The following KSR2 variants were observed in gnomAD, a reference collection of about 807,000 sequenced individuals.
KSR2 encodes the protein kinase suppressor of ras 2.
Under a neutral mutation model 107.8 loss-of-function variants are expected in KSR2, and 25 were observed. That is an observed-to-expected ratio of 0.23 (90% CI 0.17 to 0.32). The LOEUF (loss-of-function observed/expected upper bound fraction) is 0.32. Among genes scored for constraint, KSR2 ranks in the 10% least tolerant of loss-of-function variants. The pLI, the probability that KSR2 is intolerant of heterozygous loss-of-function variation, is 1.00. For missense variants in KSR2, 887 were observed against 1,268.9 expected (o/e 0.70, Z 4.57); for synonymous variants, 480 against 507.0 (o/e 0.95, Z 0.71).
At position 117,761,460 on chromosome 12, in the gene KSR2, GTT is replaced by G. The variant is rs1889017926; in HGVS notation, c.535_536del (p.Asn179GlnfsTer206). On this transcript the variant is annotated frameshift_variant, in exon 4 of 20. Transcript: ENST00000339824. LOFTEE classifies it high-confidence loss of function. ...QWPTTETGKENNPVCPPEPTP... is the reference protein window; with the variant it reads ...QWPTTETGKEXNPVCPPEPTP... ...TGGGCTCCGGGGGGCACACGGGATT[GTT>G]CTCCTTCCCCGTCTCTGTCGTGGGC... 6.2e-7 allele frequency: 1 copy of G among 1,613,078 alleles called. No individual in the cohort carries two copies. The highest frequency in any genetic ancestry group is 8.5e-7 in the Non-Finnish European group (1 of 1,179,680).
chr12:117,772,285 TCACA>T (rs1889508745), intron 3 of KSR2, among the ~76,000 whole-genome samples: 2 of 24,452 alleles, frequency 8.2e-5, no homozygotes, highest in African/African-American at 1.8e-4. Flanking sequence ...GCACACACAC[TCACA>T]CATACACACC....
At chr12:117,921,424 C>CT (rs142150187) in intron 1 of KSR2, among the ~76,000 whole-genome samples, 19,246 of 151,978 alleles carry the variant, frequency 0.13, 1,489 homozygotes, top group South Asian at 0.23. Flanking sequence ...TTTCAAGACA[C>CT]TTTTTTTTCC....
chr12:117,525,562 G>T (rs1050445365), intron 13 of KSR2, among the ~76,000 whole-genome samples: 4 of 152,198 alleles, frequency 2.6e-5, no homozygotes, highest in Non-Finnish European at 5.9e-5. Context: ...CCTGGGAAGT[G>T]ACTCACTCCA....
intron 4 of KSR2, among the ~76,000 whole-genome samples, chr12:117,707,690 CAG>C (rs1407143324): frequency 2.0e-5 from 3 of 152,308 alleles, no homozygotes; most frequent in Admixed American, 6.5e-5. Flanking sequence ...CCTTGAGAAA[CAG>C]AGGAAAATCT....
intron 3 of KSR2, among the ~76,000 whole-genome samples, chr12:117,772,569 CTCAT>C (rs1424766358): frequency 6.7e-6 from 1 of 148,810 alleles, no homozygotes; most frequent in Non-Finnish European, 1.5e-5. Context: ...CAAACACACA[CTCAT>C]ACACACACAC....
At chr12:117,808,574 AC>A (rs1165751116) in intron 3 of KSR2, among the ~76,000 whole-genome samples, 3 of 152,160 alleles carry the variant, frequency 2.0e-5, no homozygotes, top group Non-Finnish European at 4.4e-5. Flanking sequence ...CGCAGCTGGG[AC>A]CCAATCCCTG....
chr12:117,505,167 G>T (rs1306560390), intron 14 of KSR2, among the ~76,000 whole-genome samples: 1 of 152,064 alleles, frequency 6.6e-6, no homozygotes, highest in East Asian at 1.9e-4. Flanking sequence ...TGGACACTTA[G>T]GTTGGTTCCG....
chr12:117,667,108 G>A (rs1884688356), intron 5 of KSR2, among the ~76,000 whole-genome samples: 1 of 152,174 alleles, frequency 6.6e-6, no homozygotes, highest in Non-Finnish European at 1.5e-5. Flanking sequence ...CTGTAATCAG[G>A]CAGCTGAGAG....
At chr12:117,550,995 C>T (rs1022261125) in intron 9 of KSR2, among the ~76,000 whole-genome samples, 2 of 152,176 alleles carry the variant, frequency 1.3e-5, no homozygotes, top group African/African-American at 2.4e-5. Context: ...CCAGCCTAGG[C>T]GGGTCTCTGT....
chr12:117,833,453 CCT>C (rs1296785792), intron 3 of KSR2, among the ~76,000 whole-genome samples: 2 of 152,152 alleles, frequency 1.3e-5, no homozygotes, highest in African/African-American at 4.8e-5. Flanking sequence ...GCCTCAAACA[CCT>C]AGGCTCAAGA....
At chr12:117,682,069 C>G (rs566986822) in intron 4 of KSR2, among the ~76,000 whole-genome samples, 2 of 152,150 alleles carry the variant, frequency 1.3e-5, no homozygotes, top group Admixed American at 6.5e-5. Flanking sequence ...ACATATACAA[C>G]GTGGAATACC....
At chr12:117,688,626 T>G (rs918205826) in intron 4 of KSR2, among the ~76,000 whole-genome samples, 5 of 152,186 alleles carry the variant, frequency 3.3e-5, no homozygotes, top group African/African-American at 1.2e-4. Context: ...CATGCTAGTG[T>G]CTGCTCAGGC....
intron 5 of KSR2, among the ~76,000 whole-genome samples, chr12:117,617,461 A>G (rs1006027670): frequency 1.3e-5 from 2 of 152,196 alleles, no homozygotes; most frequent in South Asian, 4.1e-4. Flanking sequence ...AATGTCTTAT[A>G]TATCTTAATC....
Position 117,736,095 on chromosome 12 carries a change from C to T in KSR2, c.986+24916G>A, listed in dbSNP as rs374468144. 1.0e-3 allele frequency among the ~76,000 whole-genome samples: 152 copies of T among 152,226 alleles called. 1 individual carries two copies. Among genetic ancestry groups the T allele is most frequent in the Non-Finnish European group, 1.7e-3 (117 of 68,020 alleles). ...CCAACCTGACTTTTGGTCATTTGAC[C>T]ATAGTTGAATCAAGTCAAAATAAGT... On this transcript the variant is annotated intron_variant, in intron 4 of 19. Transcript: ENST00000339824.
intron 8 of KSR2, 115 bp from the exon 9 acceptor site, chr12:117,555,408 AT>A: frequency 1.0e-6 from 1 of 991,738 alleles, no homozygotes. Flanking sequence ...CTGGAGGACA[AT>A]TCACTAAAAG....
At position 117,601,275 on chromosome 12, in the gene KSR2, T is replaced by G. The variant is rs1880927894; in HGVS notation, c.1172-18916A>C. Among the ~76,000 whole-genome samples the G allele has an allele frequency of 3.1e-5, 4 of 129,162 alleles. No homozygotes were observed. In the South Asian group the frequency reaches 1.2e-3, roughly 39 times the overall value. The allele number at this position is 129,162 out of a possible 152,430, so 84.7% of individuals were successfully genotyped here. A position where few individuals can be genotyped will look rare whatever the true frequency, so the allele number is the denominator to read the frequency against. ...CAAGACATAAATTGTCTGTGCTTACTTGTTTAGAATCCAAGATCTTGGGGG... is the reference window on the plus strand; with the variant it reads ...CAAGACATAAATTGTCTGTGCTTACGTGTTTAGAATCCAAGATCTTGGGGG... On this transcript the variant is annotated intron_variant, in intron 5 of 19. Coordinates refer to ENST00000339824, the MANE Select transcript of KSR2 (RefSeq NM_173598.6).
At chr12:117,684,073 A>T (rs868294082) in intron 4 of KSR2, among the ~76,000 whole-genome samples, 71 of 152,222 alleles carry the variant, frequency 4.7e-4, no homozygotes, top group African/African-American at 1.6e-3. Flanking sequence ...AAGTGAAAAC[A>T]AAACACTAAG....
chr12:117,554,997 C>T (rs1266613072), intron 9 of KSR2, among the ~76,000 whole-genome samples, 172 bp downstream of exon 9: 3 of 152,214 alleles, frequency 2.0e-5, no homozygotes, highest in Non-Finnish European at 4.4e-5. Flanking sequence ...AATCTCTCCA[C>T]TGATCTCTGG....
rs746192875 is a variant in KSR2, at chr12:117,466,844, C to T, written c.*355G>A. 2.6e-5 allele frequency: 7 copies of T among 271,452 alleles called. No individual in the cohort carries two copies. Among genetic ancestry groups the T allele is most frequent in the East Asian group, 1.2e-4 (2 of 16,120 alleles). 16.8% of individuals were successfully genotyped at this position (271,452 alleles called of 1,614,324 possible). ...ACACAGACACACACACACATAGCCC[C>T]GTCTGTGAGCCCCCCCACGTGGGGT... On this transcript the variant is annotated 3_prime_UTR_variant, in exon 20 of 20. Coordinates refer to ENST00000339824, the MANE Select transcript of KSR2 (RefSeq NM_173598.6).
Sources: gnomAD v4.1 joint callset for allele counts (sites outside exome capture counted in the v4.1 genomes callset) on GRCh38, gnomAD v4.1.1 for gene constraint, MANE v1.5 for transcripts, NCBI Gene and HGNC (gene_info 2026-07-23, HGNC 2026-07-21) for gene names.